Variants in PDE4D observed in about 807,000 individuals in gnomAD.
PDE4D encodes the protein phosphodiesterase 4D.
A neutral mutation model predicts 87.4 loss-of-function variants in PDE4D; 24 were observed. The ratio of observed to expected loss-of-function variants is 0.27; its 90% CI spans 0.20 to 0.39. The LOEUF is 0.39. Ranked by LOEUF, PDE4D falls within the 10% of genes least tolerant of loss-of-function variation. The pLI is 1.00. For synonymous variants in PDE4D, 384 were observed against 383.2 expected (o/e 1.00, Z -0.02); for missense variants, 714 against 1,041.0 (o/e 0.69, Z 4.32).
intron 2 of PDE4D, among the ~76,000 whole-genome samples, chr5:59,196,693 T>C (rs893908461): frequency 6.6e-6 from 1 of 152,022 alleles, no homozygotes; most frequent in African/African-American, 2.4e-5. Context: ...TTCTTGGGAG[T>C]GGTGGACAAA....
Position 58,975,286 on chromosome 5 carries a change from T to C in PDE4D, c.2014-206A>G, listed in dbSNP as rs1383628098. Among the ~76,000 whole-genome samples, 1 of 150,038 alleles carries C rather than the reference T, an allele frequency of 6.7e-6. No homozygotes were observed. On this transcript the variant is annotated intron_variant, in intron 14 of 14. Coordinates refer to ENST00000340635, the MANE Select transcript of PDE4D (RefSeq NM_001104631.2). This position sits in a 1 kb window ranked among gnomAD's most constrained non-coding sequence, Gnocchi z 4.2. ...TGGTCAAAATTAGCTTCTAGAACCT[T>C]TGGTTAAAGAGCATGTTCTATAGCA... is the stretch of plus-strand genomic sequence containing the variant.
chr5:59,288,490 G>C, intron 1 of PDE4D, among the ~76,000 whole-genome samples: 1 of 151,868 alleles, frequency 6.6e-6, no homozygotes, highest in East Asian at 1.9e-4. Flanking sequence ...AAGAGTTATT[G>C]ACCTTAAAAA....
At chr5:59,470,533 A>G (rs879487045) in intron 1 of PDE4D, among the ~76,000 whole-genome samples, 2 of 152,210 alleles carry the variant, frequency 1.3e-5, no homozygotes, top group Non-Finnish European at 1.5e-5. Flanking sequence ...TGAATATTAC[A>G]GAGTATATAG....
chr5:59,741,942 C>G (rs1027682369), intron 1 of PDE4D, among the ~76,000 whole-genome samples: 4 of 152,198 alleles, frequency 2.6e-5, no homozygotes, highest in South Asian at 4.2e-4. Context: ...TCTGGCCCTA[C>G]CTTCTCTGGA....
At chr5:59,996,231 TTAAA>T (rs1259734939) in intron 2 of PDE4D, among the ~76,000 whole-genome samples, 1 of 152,224 alleles carries the variant, frequency 6.6e-6, no homozygotes, top group African/African-American at 2.4e-5. Flanking sequence ...GGTCAGCATG[TTAAA>T]TAGTCAGATA....
At chr5:60,176,390 C>T (rs1193561534) in intron 2 of PDE4D, among the ~76,000 whole-genome samples, 1 of 151,952 alleles carries the variant, frequency 6.6e-6, no homozygotes, top group African/African-American at 2.4e-5. Flanking sequence ...ATAGATTTTT[C>T]CTTATGGTAA....
intron 1 of PDE4D, among the ~76,000 whole-genome samples, chr5:60,457,603 T>C (rs925280254): frequency 6.6e-6 from 1 of 152,196 alleles, no homozygotes; most frequent in Non-Finnish European, 1.5e-5. Flanking sequence ...CATTTCAGTT[T>C]TTCCAGCTGT....
chr5:60,377,893 C>A (rs1157113181), intron 1 of PDE4D, among the ~76,000 whole-genome samples: 1 of 152,164 alleles, frequency 6.6e-6, no homozygotes, highest in Non-Finnish European at 1.5e-5. Flanking sequence ...GATGATCCAT[C>A]TTCTCAATGG....
intron 2 of PDE4D, among the ~76,000 whole-genome samples, chr5:60,160,262 A>G (rs184331599): frequency 6.6e-6 from 1 of 152,364 alleles, no homozygotes; most frequent in African/African-American, 2.4e-5. Flanking sequence ...GTAGGCTATT[A>G]GTAGTTAACT....
intron 1 of PDE4D, among the ~76,000 whole-genome samples, chr5:59,730,624 A>G (rs548864087): frequency 6.6e-6 from 1 of 152,014 alleles, no homozygotes; most frequent in Non-Finnish European, 1.5e-5. Flanking sequence ...TCATTTTTGG[A>G]TCAGCTATAA....
chr5:60,384,553 A>G (rs2032105665), intron 1 of PDE4D, among the ~76,000 whole-genome samples: 1 of 152,068 alleles, frequency 6.6e-6, no homozygotes, highest in Non-Finnish European at 1.5e-5. Context: ...TCCTCCTGAC[A>G]TGATTTCCTT....
chr5:59,181,541 C>CATATATA (rs61135815), intron 4 of PDE4D, among the ~76,000 whole-genome samples: 6,306 of 60,412 alleles, frequency 0.1, 239 homozygotes, highest in Non-Finnish European at 0.13. Flanking sequence ...TCAAAGATGT[C>CATATATA]TGATATATAT....
intron 1 of PDE4D, among the ~76,000 whole-genome samples, chr5:60,477,584 C>T (rs1293908329): frequency 6.6e-6 from 1 of 152,150 alleles, no homozygotes; most frequent in African/African-American, 2.4e-5. Flanking sequence ...AATGGCCCAA[C>T]TCATGGCCTT....
intron 1 of PDE4D, among the ~76,000 whole-genome samples, chr5:59,370,913 G>A (rs1360187719): frequency 2.0e-5 from 3 of 152,188 alleles, no homozygotes; most frequent in Non-Finnish European, 2.9e-5. Context: ...AATATCCAAG[G>A]TGTAGTGAAA....
At chr5:60,212,483 T>A (rs893028694) in intron 1 of PDE4D, among the ~76,000 whole-genome samples, 6 of 152,180 alleles carry the variant, frequency 3.9e-5, no homozygotes, top group Admixed American at 3.3e-4. Flanking sequence ...CCCTAAGATT[T>A]GACCTGGGGA....
chr5:59,969,868 T>C (rs1002503484), intron 3 of PDE4D, among the ~76,000 whole-genome samples: 2 of 152,186 alleles, frequency 1.3e-5, no homozygotes, highest in African/African-American at 4.8e-5. Context: ...TAAACCTCTT[T>C]CTTTTGTAAA....
intron 1 of PDE4D, among the ~76,000 whole-genome samples, chr5:59,655,271 T>A (rs1394422141): frequency 6.6e-6 from 1 of 152,224 alleles, no homozygotes; most frequent in Non-Finnish European, 1.5e-5. Flanking sequence ...GAATTAACAC[T>A]GTAAGAGCTT....
intron 5 of PDE4D, among the ~76,000 whole-genome samples, chr5:59,068,325 T>A (rs1335049010): frequency 1.3e-5 from 2 of 152,212 alleles, no homozygotes; most frequent in Non-Finnish European, 2.9e-5. Context: ...ACTAAAACTT[T>A]TTTTTAAGTA....
intron 1 of PDE4D, among the ~76,000 whole-genome samples, chr5:59,806,296 G>A (rs1484997737): frequency 2.6e-5 from 4 of 152,212 alleles, no homozygotes; most frequent in South Asian, 2.1e-4. Context: ...TCTGGCTAGC[G>A]CAGAGGTGGC....
Sources: gnomAD v4.1 joint callset for allele counts (sites outside exome capture counted in the v4.1 genomes callset) on GRCh38, gnomAD v4.1.1 for gene constraint, Gnocchi (gnomAD v3.1) non-coding constraint, MANE v1.5 for transcripts, NCBI Gene and HGNC (gene_info 2026-07-23, HGNC 2026-07-21) for gene names.